The following CIAO3 variants were observed in gnomAD, a reference collection of about 807,000 sequenced individuals.
CIAO3 encodes LET1 like/JFP15.
CIAO3 carries 45 observed loss-of-function variants against 51.5 expected under a neutral mutation model. That is an observed-to-expected ratio of 0.87 (90% confidence interval 0.69 to 1.12). The LOEUF (loss-of-function observed/expected upper bound fraction) is 1.12. Among genes scored for constraint, CIAO3 ranks in the 50% most tolerant of loss-of-function variants. The pLI is 0.00. For synonymous variants in CIAO3, 314 were observed against 269.3 expected (o/e 1.17, Z -1.63); for missense variants, 668 against 632.5 (o/e 1.06, Z -0.60).
chr16:729,931 C>G lies in CIAO3; in HGVS notation c.*486G>C. 5.7e-6 allele frequency: 2 copies of G among 350,130 alleles called. No individual in the cohort carries two copies. The highest frequency in any genetic ancestry group is 1.1e-5 in the Non-Finnish European group (2 of 186,950). The allele number at this position is 350,130 out of a possible 1,614,324, so 21.7% of individuals were successfully genotyped here. On this transcript the variant is annotated 3_prime_UTR_variant, in exon 11 of 11. Coordinates refer to ENST00000251588, the MANE Select transcript of CIAO3 (RefSeq NM_022493.3). ...GCTTTCCAGGGGCCTGGCACCCCCC[C>G]CTGCCAGGGTCCACACGCAGGGTTG...
rs1441479999 is a variant in CIAO3 at position 732,387 on chromosome 16, ACAGCG to A, written c.824-19_824-15del. On this transcript the variant is annotated splice_polypyrimidine_tract_variant and intron_variant, in intron 7 of 10. Transcript: ENST00000251588. ...TGAAAACTTCTCCTGCAAAGAAGCC[ACAGCG>A]CAGACACTCTTTAGCGGAGATCCCA... is the stretch of plus-strand genomic sequence containing the variant. 1 of 1,612,464 alleles carries A rather than the reference ACAGCG, an allele frequency of 6.2e-7. No homozygotes were observed. Among genetic ancestry groups the A allele is most frequent in the African/African-American group, 1.3e-5 (1 of 74,938 alleles).
chr16:734,855 G>A lies in CIAO3; in HGVS notation c.456C>T (p.Phe152=), dbSNP rs560599074. ...TGAAGTGCCTTGAGAAGGCGGTGTC[G>A]AAGACGAAGTGCACCCCTGGAAGGT... ...FFKKIGVHFV[F]DTAFSRHFSL... is the part of the protein sequence containing the mutation. The change falls in exon 5 of 11, where the codon TTC becomes TTT. Residue 152 remains phenylalanine (F), a synonymous_variant. Coordinates refer to ENST00000251588, the MANE Select transcript of CIAO3 (RefSeq NM_022493.3). 20 of 1,567,598 alleles carry A rather than the reference G, an allele frequency of 1.3e-5. No homozygotes were observed. The Admixed American group carries it at 1.8e-4, about 14-fold the overall frequency.
intron 1 of CIAO3, chr16:740,147 G>T: frequency 7.8e-7 from 1 of 1,282,928 alleles, no homozygotes; most frequent in Non-Finnish European, 1.0e-6. Flanking sequence ...GAAACAAGTG[G>T]ATTTCTCTCT....
intron 7 of CIAO3, chr16:732,999 A>C (rs1002705777): frequency 5.1e-6 from 2 of 393,280 alleles, no homozygotes; most frequent in Non-Finnish European, 9.5e-6. Flanking sequence ...GAATGGGGTG[A>C]CTCATGGGAG....
chr16:732,206 G>A (rs2041290399), intron 8 of CIAO3, 95 bp downstream of exon 8: 42 of 1,321,754 alleles, frequency 3.2e-5, no homozygotes, highest in Non-Finnish European at 4.3e-5. Context: ...ACGCCAAGAT[G>A]GGCTGCGGGG....
Position 731,891 on chromosome 16 carries a change from C to T in CIAO3, c.897-189G>A, listed in dbSNP as rs113549700. ...CCACTTCTTGTTTTTTTTTTTGAGACGGAGTCTTGCTCTGTCGCCCAGGCT... is the reference window on the plus strand; with the variant it reads ...CCACTTCTTGTTTTTTTTTTTGAGATGGAGTCTTGCTCTGTCGCCCAGGCT... On this transcript the variant is annotated intron_variant, in intron 8 of 10. Coordinates refer to ENST00000251588, the MANE Select transcript of CIAO3 (RefSeq NM_022493.3). The T allele has an allele frequency of 0.01, 7,498 of 748,248 alleles. 435 individuals carry two copies. The African/African-American group carries it at 0.12, about 12-fold the overall frequency. The allele number at this position is 748,248 out of a possible 1,614,324, so 46.4% of individuals were successfully genotyped here. A position where few individuals can be genotyped will look rare whatever the true frequency, so the allele number is the denominator to read the frequency against.
At chr16:732,015 C>T in intron 8 of CIAO3, 1 of 527,556 alleles carries the variant, frequency 1.9e-6, no homozygotes, top group East Asian at 3.3e-5. Flanking sequence ...ATTACAGGGC[C>T]TGGCATGGAT....
intron 1 of CIAO3, 163 bp downstream of exon 1, chr16:740,757 C>CT (rs1485783166): frequency 4.7e-6 from 3 of 643,992 alleles, no homozygotes; most frequent in Admixed American, 3.2e-5. Flanking sequence ...GCCTCAGTGT[C>CT]TGAGGCCCCG....
intron 1 of CIAO3, chr16:740,010 A>G: frequency 6.9e-7 from 1 of 1,454,468 alleles, no homozygotes; most frequent in South Asian, 1.2e-5. Flanking sequence ...CGGAGACACC[A>G]CCAACACTGA....
At position 734,738 on chromosome 16, in the gene CIAO3, T is replaced by C; in HGVS notation, c.573A>G (p.Pro191=). ...CCACCACCCGCACCATGAGCACACC[T>C]GGGCAGGCAGAGGCCAGCAGGGGCA... ...QALPLLASAC[P]GWICYAEKTH... is the part of the protein sequence containing the mutation. The change falls in exon 5 of 11, where the codon CCA becomes CCG. Residue 191 remains proline, a splice_region_variant and synonymous_variant. Transcript: ENST00000251588. 6.2e-7 allele frequency: 1 copy of C among 1,612,664 alleles called. No homozygotes were observed. The highest frequency in any genetic ancestry group is 8.5e-7 in the Non-Finnish European group (1 of 1,179,768).
At chr16:732,441 AGC>A in intron 7 of CIAO3, 68 bp from the exon 8 acceptor site, 1 of 1,551,054 alleles carries the variant, frequency 6.4e-7, no homozygotes, top group Non-Finnish European at 8.9e-7. Context: ...AGAACATCCA[AGC>A]CACCTGCATC....
Position 737,114 on chromosome 16 carries a change from G to A in CIAO3, c.306+72C>T. 1.3e-6 allele frequency: 2 copies of A among 1,597,614 alleles called. No homozygotes were observed. The highest frequency in any genetic ancestry group is 1.7e-6 in the Non-Finnish European group (2 of 1,167,164). Reference sequence around the variant, plus strand: ...CGTCGGCACCACACGAGCTGCCCTTGGCAAAACGCGTTGTCGGCTGCTGGG... The same window carrying A: ...CGTCGGCACCACACGAGCTGCCCTTAGCAAAACGCGTTGTCGGCTGCTGGG... On this transcript the variant is annotated intron_variant, in intron 3 of 10. Transcript: ENST00000251588. This position sits in a 1 kb window ranked among gnomAD's most constrained non-coding sequence, Gnocchi z 5.3.
rs896484107 is a variant in CIAO3 at position 729,903 on chromosome 16, C to T, written c.*514G>A. 1.3e-5 allele frequency: 5 copies of T among 373,992 alleles called. No homozygotes were observed. Among genetic ancestry groups the T allele is most frequent in the South Asian group, 7.0e-5 (3 of 43,048 alleles). The allele number at this position is 373,992 out of a possible 1,614,324, so 23.2% of individuals were successfully genotyped here. Reference sequence around the variant, plus strand: ...GGACCACAGCCTCGTAACGGTAACCCCTGCTTTCCAGGGGCCTGGCACCCC... The same window carrying T: ...GGACCACAGCCTCGTAACGGTAACCTCTGCTTTCCAGGGGCCTGGCACCCC... On this transcript the variant is annotated 3_prime_UTR_variant, in exon 11 of 11. Coordinates refer to ENST00000251588, the MANE Select transcript of CIAO3 (RefSeq NM_022493.3).
intron 7 of CIAO3, 48 bp downstream of exon 7, chr16:733,250 A>G: frequency 2.5e-6 from 4 of 1,604,378 alleles, no homozygotes; most frequent in Non-Finnish European, 3.4e-6. Context: ...GGGCTCAGGA[A>G]TCAGACCAGG....
intron 4 of CIAO3, among the ~76,000 whole-genome samples, chr16:735,735 C>T (rs1596673595): frequency 6.6e-6 from 1 of 152,212 alleles, no homozygotes; most frequent in East Asian, 1.9e-4. Context: ...AGCTGGATGA[C>T]AGGCAGTCTG....
intron 10 of CIAO3, 21 bp from the exon 11 acceptor site, chr16:730,676 C>G (rs200599453): frequency 1.2e-6 from 2 of 1,602,066 alleles, no homozygotes; most frequent in African/African-American, 1.3e-5. Flanking sequence ...GCAGACGGGA[C>G]AGGGGTCACA....
chr16:731,279 G>C, intron 9 of CIAO3: 2 of 611,646 alleles, frequency 3.3e-6, no homozygotes, highest in South Asian at 2.1e-5. Context: ...CCTGGGATGT[G>C]GTCGCGTGCC....
In CIAO3 at chr16:737,390, G is replaced by A; in HGVS notation, c.163-61C>T. On this transcript the variant is annotated intron_variant, in intron 2 of 10. Transcript: ENST00000251588. The surrounding 1 kb of genome is among the most constrained non-coding windows in gnomAD (Gnocchi z 5.3). ...CTCTGCACGAGGACATGGAGACAGA[G>A]GATAGTGGAGTCCAGCTCATAACCG... The A allele has an allele frequency of 6.2e-7, 1 of 1,604,246 alleles. No individual in the cohort carries two copies. The highest frequency in any genetic ancestry group is 8.5e-7 in the Non-Finnish European group (1 of 1,174,164).
intron 5 of CIAO3, 94 bp from the exon 6 acceptor site, chr16:734,441 C>T (rs1185320525): frequency 2.2e-6 from 2 of 922,234 alleles, no homozygotes; most frequent in East Asian, 2.5e-5. Context: ...CGGGCCCGCT[C>T]ATACAGGAGA....
Sources: gnomAD v4.1 joint callset for allele counts (sites outside exome capture counted in the v4.1 genomes callset) on GRCh38, gnomAD v4.1.1 for gene constraint, Gnocchi (gnomAD v3.1) non-coding constraint, MANE v1.5 for transcripts, NCBI Gene and HGNC (gene_info 2026-07-23, HGNC 2026-07-21) for gene names.